RCOR1: variants seen among roughly 807,000 people sequenced by gnomAD.
The protein encoded by RCOR1 is REST corepressor.
In RCOR1, 12 loss-of-function variants were observed where a neutral mutation model predicts 64.0. The observed-to-expected ratio is 0.19, with a 90% CI of 0.12 to 0.30. RCOR1 has a LOEUF of 0.30. RCOR1 is among the 10% of genes least tolerant of loss of function. The pLI is 1.00. For synonymous variants in RCOR1, 279 were observed against 227.2 expected, an observed-to-expected ratio of 1.23 and a Z score of -2.05; for missense variants, 502 against 621.2, an observed-to-expected ratio of 0.81 and a Z score of 2.04.
At chr14:102,675,656 T>C (rs1895130166) in intron 2 of RCOR1, among the ~76,000 whole-genome samples, 2 of 152,244 alleles carry the variant, frequency 1.3e-5, no homozygotes, top group Admixed American at 6.5e-5. Flanking sequence ...CAGTTGATCA[T>C]GGGTAACTGA....
At chr14:102,602,394 CT>C (rs66743592) in intron 2 of RCOR1, among the ~76,000 whole-genome samples, 88 of 104,226 alleles carry the variant, frequency 8.4e-4, no homozygotes, top group African/African-American at 1.8e-3. Context: ...CTTTTCTTTT[CT>C]TTTTTTTTTT....
Position 102,598,769 on chromosome 14 carries a change from A to T in RCOR1, c.361+5444A>T, listed in dbSNP as rs1388532628. ...GGCCCTGATTCAGTTCTTATAAAAT[A>T]ATTAATACCTAGATTAGATCGGTGT... On this transcript the variant is annotated intron_variant, in intron 2 of 11. Transcript: ENST00000262241. 2.6e-5 allele frequency among the ~76,000 whole-genome samples: 4 copies of T among 152,140 alleles called. No individual in the cohort carries two copies. The East Asian group carries it at 5.8e-4, about 22-fold the overall frequency.
chr14:102,663,060 A>T (rs1188521381), intron 2 of RCOR1, among the ~76,000 whole-genome samples: 1 of 152,154 alleles, frequency 6.6e-6, no homozygotes, highest in East Asian at 1.9e-4. Context: ...TAATTGAATC[A>T]TGAGGCCAGA....
At chr14:102,684,723 A>T (rs995769266) in intron 3 of RCOR1, among the ~76,000 whole-genome samples, 2 of 151,830 alleles carry the variant, frequency 1.3e-5, no homozygotes, top group African/African-American at 2.4e-5. Context: ...ATTTCTTCCA[A>T]TTTTTTTTGT....
chr14:102,656,456 G>A (rs924256941), intron 2 of RCOR1, among the ~76,000 whole-genome samples: 3 of 151,646 alleles, frequency 2.0e-5, no homozygotes, highest in African/African-American at 7.3e-5. Context: ...ACATTTTTAA[G>A]AAAATGTTTC....
At chr14:102,649,650 G>A in intron 2 of RCOR1, 1 of 242,952 alleles carries the variant, frequency 4.1e-6, no homozygotes, top group Non-Finnish European at 6.6e-6. Context: ...TTTAACACCT[G>A]CAGCAGTTAA....
At chr14:102,612,587 C>T (rs751317493) in intron 2 of RCOR1, among the ~76,000 whole-genome samples, 19 of 151,978 alleles carry the variant, frequency 1.3e-4, no homozygotes, top group Non-Finnish European at 1.8e-4. Flanking sequence ...CCACCTGCTT[C>T]GGCCTCCCAA....
chr14:102,632,713 C>CT (rs1894147952), intron 2 of RCOR1, among the ~76,000 whole-genome samples: 2 of 87,696 alleles, frequency 2.3e-5, no homozygotes, highest in Admixed American at 2.7e-4. Flanking sequence ...TTTCCTTTTC[C>CT]TTTCCTTTCC....
intron 2 of RCOR1, among the ~76,000 whole-genome samples, chr14:102,631,965 G>A (rs1894121534): frequency 6.6e-6 from 1 of 151,720 alleles, no homozygotes; most frequent in Non-Finnish European, 1.5e-5. Context: ...GAGCCACCAC[G>A]CCCAGCTAAT....
chr14:102,662,797 TC>T (rs1894850497), intron 2 of RCOR1: 1 of 185,296 alleles, frequency 5.4e-6, no homozygotes, highest in African/African-American at 2.4e-5. Flanking sequence ...ACATTTGAGT[TC>T]TTTCCAATTT....
chr14:102,657,898 C>T lies in RCOR1; in HGVS notation c.362-23997C>T, dbSNP rs1479575425. 10 of 984,084 alleles carry T rather than the reference C, an allele frequency of 1.0e-5. No homozygotes were observed. In the African/African-American group the frequency reaches 1.6e-4, roughly 16 times the overall value. The allele number at this position is 984,084 out of a possible 1,614,324, so 61.0% of individuals were successfully genotyped here. ...GGGCAAACTTGGAACAGGCCAGTTT[C>T]CCATTATATTGCCTCTCTGAAACAA... On this transcript the variant is annotated intron_variant, in intron 2 of 11. Coordinates refer to ENST00000262241, the MANE Select transcript of RCOR1 (RefSeq NM_015156.4).
intron 2 of RCOR1, among the ~76,000 whole-genome samples, chr14:102,631,111 C>T (rs951653595): frequency 4.6e-5 from 7 of 152,074 alleles, no homozygotes; most frequent in East Asian, 1.9e-4. Context: ...CACATTTCCC[C>T]GATGACTTTG....
chr14:102,713,483 T>C (rs1896002301), intron 7 of RCOR1, among the ~76,000 whole-genome samples: 1 of 151,952 alleles, frequency 6.6e-6, no homozygotes, highest in Admixed American at 6.6e-5. Context: ...GGGGTTTCAC[T>C]GTGTTAGCCA....
chr14:102,597,628 CTTTTTTTTTTTT>C (rs57656879), intron 2 of RCOR1, among the ~76,000 whole-genome samples: 14 of 44,990 alleles, frequency 3.1e-4, no homozygotes, highest in South Asian at 1.5e-3. Context: ...TGCGCCCGAC[CTTTTTTTTTTTT>C]TTTTTTTTTT....
intron 2 of RCOR1, among the ~76,000 whole-genome samples, chr14:102,607,449 A>G (rs1893535634): frequency 6.6e-6 from 1 of 152,112 alleles, no homozygotes; most frequent in African/African-American, 2.4e-5. Context: ...TCACATCACA[A>G]AATTGACTAT....
chr14:102,682,819 T>C (rs1037460219), intron 3 of RCOR1, among the ~76,000 whole-genome samples: 2 of 152,142 alleles, frequency 1.3e-5, no homozygotes, highest in African/African-American at 4.8e-5. Context: ...AGGAGGAAGA[T>C]TTTTTCTCTG....
intron 2 of RCOR1, among the ~76,000 whole-genome samples, chr14:102,645,789 C>T (rs191322146): frequency 4.6e-5 from 7 of 152,286 alleles, no homozygotes; most frequent in Non-Finnish European, 1.0e-4. Flanking sequence ...GGCTCAGGTT[C>T]TTGCTTTGGC....
intron 11 of RCOR1, 40 bp downstream of exon 11, chr14:102,722,456 C>G: frequency 6.6e-7 from 1 of 1,505,966 alleles, no homozygotes. Context: ...TTGTCAGGTT[C>G]ACGCTTGATA....
At chr14:102,640,191 C>T (rs2139920194) in intron 2 of RCOR1, among the ~76,000 whole-genome samples, 1 of 151,854 alleles carries the variant, frequency 6.6e-6, no homozygotes, top group South Asian at 2.1e-4. Context: ...GCCGTGTTGC[C>T]CAGGCTGGTC....
Sources: allele counts gnomAD v4.1 joint callset (sites outside exome capture counted in the v4.1 genomes callset), GRCh38; gene constraint gnomAD v4.1.1; transcripts MANE v1.5; gene names NCBI Gene and HGNC (gene_info 2026-07-23, HGNC 2026-07-21).